WWP2: variants seen among roughly 807,000 people sequenced by gnomAD.
WWP2 encodes NEDD4-like E3 ubiquitin-protein ligase WWP2.
In WWP2, 57 loss-of-function variants were observed where a neutral mutation model predicts 121.0. That is an observed-to-expected ratio of 0.47 (90% CI 0.38 to 0.59). WWP2 has a LOEUF of 0.59. Among genes scored for constraint, WWP2 ranks in the 20% least tolerant of loss-of-function variants. The pLI, the probability that WWP2 is intolerant of heterozygous loss-of-function variation, is 0.00. For missense variants in WWP2, 962 were observed against 1,158.9 expected, an observed-to-expected ratio of 0.83 and a Z score of 2.47; for synonymous variants, 449 against 441.3, an observed-to-expected ratio of 1.02 and a Z score of -0.22.
intron 1 of WWP2, among the ~76,000 whole-genome samples, chr16:69,766,394 T>C (rs1482940877): frequency 6.6e-6 from 1 of 152,150 alleles, no homozygotes; most frequent in African/African-American, 2.4e-5. Flanking sequence ...GGCAAGTCTG[T>C]TAAAAGGCAG....
At chr16:69,930,009 T>A in intron 12 of WWP2, 121 bp from the exon 13 acceptor site, 1 of 1,445,662 alleles carries the variant, frequency 6.9e-7, no homozygotes, top group South Asian at 1.3e-5. Flanking sequence ...CTTGGGTGCA[T>A]GTCCTCAAAG....
At chr16:69,822,777 T>A (rs959278031) in intron 4 of WWP2, among the ~76,000 whole-genome samples, 3 of 152,096 alleles carry the variant, frequency 2.0e-5, no homozygotes, top group African/African-American at 7.2e-5. Flanking sequence ...ATCAGTGCTG[T>A]CCAATAGAAA....
intron 4 of WWP2, among the ~76,000 whole-genome samples, chr16:69,800,626 G>A (rs111335581): frequency 0.39 from 57,924 of 149,194 alleles, 11,453 homozygotes; most frequent in Admixed American, 0.5. Context: ...GTGTAGTGGT[G>A]CAATCTCGGC....
At chr16:69,826,775 A>G (rs1297043263) in intron 4 of WWP2, among the ~76,000 whole-genome samples, 1 of 151,538 alleles carries the variant, frequency 6.6e-6, no homozygotes, top group African/African-American at 2.4e-5. Flanking sequence ...TCTCTAATAA[A>G]AATACAAAAA....
chr16:69,939,820 G>A (rs771603969), intron 23 of WWP2, 21 bp from the exon 24 acceptor site: 30 of 1,608,076 alleles, frequency 1.9e-5, no homozygotes, highest in South Asian at 1.4e-4. Flanking sequence ...GCTGACTGTC[G>A]TGCTTCCCCA....
intron 4 of WWP2, among the ~76,000 whole-genome samples, chr16:69,802,669 C>T (rs10400955): frequency 0.012 from 1,821 of 151,052 alleles, 27 homozygotes; most frequent in African/African-American, 0.035. Flanking sequence ...GGCGCGATCT[C>T]GGCTCACTGC....
intron 1 of WWP2, among the ~76,000 whole-genome samples, chr16:69,778,230 A>G (rs1320289631): frequency 6.9e-6 from 1 of 145,704 alleles, no homozygotes; most frequent in African/African-American, 2.6e-5. Flanking sequence ...GATCTACCAG[A>G]CTTAGTAAAG....
At chr16:69,830,360 A>T (rs2056773126) in intron 4 of WWP2, among the ~76,000 whole-genome samples, 2 of 152,176 alleles carry the variant, frequency 1.3e-5, no homozygotes, top group Non-Finnish European at 2.9e-5. Context: ...AAGTGTTGGG[A>T]TTACAGGGAT....
At chr16:69,810,497 G>A (rs1263595048) in intron 4 of WWP2, among the ~76,000 whole-genome samples, 3 of 147,400 alleles carry the variant, frequency 2.0e-5, no homozygotes, top group South Asian at 2.2e-4. Context: ...GCACAATCTC[G>A]GCTCACTGCA....
intron 6 of WWP2, among the ~76,000 whole-genome samples, chr16:69,860,202 A>G (rs1238198978): frequency 6.6e-6 from 1 of 152,096 alleles, no homozygotes; most frequent in Non-Finnish European, 1.5e-5. Flanking sequence ...TCCATTCTTT[A>G]AAGGAGTCGG....
At chr16:69,917,158 A>T (rs1238613065) in intron 9 of WWP2, among the ~76,000 whole-genome samples, 1 of 152,264 alleles carries the variant, frequency 6.6e-6, no homozygotes, top group African/African-American at 2.4e-5. Flanking sequence ...GTATTGGCTC[A>T]TGTAACTGAA....
chr16:69,813,066 C>A (rs2056424487), intron 4 of WWP2, among the ~76,000 whole-genome samples: 1 of 151,772 alleles, frequency 6.6e-6, no homozygotes, highest in Non-Finnish European at 1.5e-5. Context: ...GAAGGGCTTT[C>A]CGTTTTCATG....
chr16:69,806,933 G>GTTT (rs576985885), intron 4 of WWP2, among the ~76,000 whole-genome samples: 1 of 139,352 alleles, frequency 7.2e-6, no homozygotes, highest in Non-Finnish European at 1.5e-5. Flanking sequence ...CCCTAGATCT[G>GTTT]TTTTATTTAT....
At chr16:69,791,374 C>T (rs2055907323) in intron 2 of WWP2, among the ~76,000 whole-genome samples, 1 of 151,328 alleles carries the variant, frequency 6.6e-6, no homozygotes, top group African/African-American at 2.4e-5. Context: ...ATTACAGGCA[C>T]CTGCCACCAC....
intron 6 of WWP2, among the ~76,000 whole-genome samples, chr16:69,856,198 C>T (rs140311365): frequency 5.5e-4 from 83 of 152,242 alleles, no homozygotes; most frequent in African/African-American, 1.9e-3. Flanking sequence ...GCTTAAGAAG[C>T]CAGACATAGA....
intron 8 of WWP2, among the ~76,000 whole-genome samples, chr16:69,905,287 C>T (rs8043925): frequency 0.45 from 67,826 of 151,958 alleles, 15,435 homozygotes; most frequent in East Asian, 0.56. Context: ...AAGAGTTGTC[C>T]GCTTTGGGGG....
intron 7 of WWP2, among the ~76,000 whole-genome samples, chr16:69,875,446 A>T (rs1470068609): frequency 6.6e-6 from 1 of 152,244 alleles, no homozygotes; most frequent in East Asian, 1.9e-4. Flanking sequence ...TCACAGCATC[A>T]GTTGACTCTC....
chr16:69,876,951 C>T (rs1397832262), intron 7 of WWP2, among the ~76,000 whole-genome samples: 1 of 152,072 alleles, frequency 6.6e-6, no homozygotes, highest in East Asian at 1.9e-4. Flanking sequence ...TTATAAAACA[C>T]AAGCAGAGTA....
intron 7 of WWP2, among the ~76,000 whole-genome samples, chr16:69,873,490 C>G (rs950137001): frequency 5.9e-5 from 9 of 152,180 alleles, no homozygotes; most frequent in Non-Finnish European, 7.4e-5. Context: ...TGGGGAGTCC[C>G]AGGGCTGCCG....
Sources: allele counts gnomAD v4.1 joint callset (sites outside exome capture counted in the v4.1 genomes callset), GRCh38; gene constraint gnomAD v4.1.1; transcripts MANE v1.5; gene names NCBI Gene and HGNC (gene_info 2026-07-23, HGNC 2026-07-21).